The following TUBGCP2 variants were observed in gnomAD, a reference collection of about 807,000 sequenced individuals.
TUBGCP2 encodes the protein tubulin gamma complex component 2.
TUBGCP2 carries 55 observed loss-of-function variants against 92.2 expected under a neutral mutation model. That is an observed-to-expected ratio of 0.60 (90% CI 0.48 to 0.75). The LOEUF (loss-of-function observed/expected upper bound fraction) is 0.75, where lower values mean the gene tolerates loss of function less well. Among genes scored for constraint, TUBGCP2 ranks in the 30% least tolerant of loss-of-function variants. The pLI is 0.00. For missense variants in TUBGCP2, 1,093 were observed against 1,188.9 expected (o/e 0.92, Z 1.19); for synonymous variants, 533 against 505.2 (o/e 1.06, Z -0.74).
chr10:133,309,733 C>T (rs1847943862), upstream of TUBGCP2: 1 of 1,608,100 alleles, frequency 6.2e-7, no homozygotes, highest in Non-Finnish European at 8.5e-7. Flanking sequence ...AGCTTGGTTC[C>T]TCGCACCGGA....
intron 4 of TUBGCP2, 93 bp from the exon 5 acceptor site, chr10:133,298,204 A>G: frequency 7.4e-7 from 1 of 1,357,116 alleles, no homozygotes. Context: ...CATCTACGGC[A>G]AAGATGATTA....
chr10:133,308,976 C>T, upstream of TUBGCP2: 1 of 1,244,252 alleles, frequency 8.0e-7, no homozygotes, highest in Non-Finnish European at 1.0e-6. Context: ...GCGCCCGCCT[C>T]GCTGCGGGGC....
intron 8 of TUBGCP2, among the ~76,000 whole-genome samples, chr10:133,292,044 T>G (rs1430469627): frequency 1.3e-4 from 1 of 7,506 alleles, no homozygotes; most frequent in Admixed American, 1.5e-3. Context: ...TCCGTGTCCC[T>G]CCGTGTCCCC....
chr10:133,294,258 C>T (rs551404825), intron 5 of TUBGCP2, among the ~76,000 whole-genome samples: 6 of 152,374 alleles, frequency 3.9e-5, no homozygotes, highest in African/African-American at 1.2e-4. Context: ...AGGACGGCCA[C>T]GGGCCGCCAC....
intron 17 of TUBGCP2, 55 bp downstream of exon 17, chr10:133,281,218 G>C: frequency 8.2e-6 from 13 of 1,587,612 alleles, no homozygotes; most frequent in East Asian, 2.2e-5. Flanking sequence ...TGCTGGGCAG[G>C]GGCAGGCGCT....
chr10:133,288,927 A>G lies in TUBGCP2; in HGVS notation c.1454T>C (p.Val485Ala). The change falls in exon 10 of 18, where the codon GTG (valine) becomes GCG (alanine). Residue 485 changes from valine to alanine, a missense_variant. This residue lies in a region of TUBGCP2 where 598 missense variants were observed against 675.5 expected (regional missense o/e 0.89). Transcript: ENST00000252936. ...GTTAAACGCCTTCTCGATCTGCTCCACATACGCCCGCTCTTTTAACGTGTA... is the reference window on the plus strand; with the variant it reads ...GTTAAACGCCTTCTCGATCTGCTCCGCATACGCCCGCTCTTTTAACGTGTA... ...IIYTLKERAYVEQIEKAFNYA... is the reference protein window; with the variant it reads ...IIYTLKERAYAEQIEKAFNYA... 1 of 1,614,230 alleles carries G rather than the reference A, an allele frequency of 6.2e-7. No homozygotes were observed. Among genetic ancestry groups the G allele is most frequent in the East Asian group, 2.2e-5 (1 of 44,890 alleles).
Position 133,284,723 on chromosome 10 carries a change from G to A in TUBGCP2, c.2024+362C>T, listed in dbSNP as rs146265651. Among the ~76,000 whole-genome samples the A allele has an allele frequency of 1.3e-4, 20 of 152,102 alleles. No individual in the cohort carries two copies. The East Asian group carries it at 1.9e-3, about 15-fold the overall frequency. ...TTTCAACACCCTAGAGGCACAGACC[G>A]GCTGCAAAGCACCTCTGGTCCCAGC... On this transcript the variant is annotated intron_variant, in intron 13 of 17. Transcript: ENST00000252936.
intron 9 of TUBGCP2, among the ~76,000 whole-genome samples, chr10:133,289,545 T>C (rs527391656): frequency 6.6e-6 from 1 of 151,996 alleles, no homozygotes; most frequent in Non-Finnish European, 1.5e-5. Context: ...GAAACAGAAA[T>C]AGAGAAGGCA....
chr10:133,311,380 G>A (rs2136154332), upstream of TUBGCP2, among the ~76,000 whole-genome samples: 1 of 152,308 alleles, frequency 6.6e-6, no homozygotes, highest in South Asian at 2.1e-4. Flanking sequence ...GAAGAGACTA[G>A]TTTATAGTCT....
intron 11 of TUBGCP2, 32 bp downstream of exon 11, chr10:133,288,097 C>T: frequency 6.3e-7 from 1 of 1,595,282 alleles, no homozygotes; most frequent in South Asian, 1.1e-5. Flanking sequence ...AGGCCTCTGC[C>T]ACAGGGGACA....
rs1846914592 is a variant in TUBGCP2 at position 133,279,667 on chromosome 10, T to G, written c.*99A>C. ...AATCATTCCTGCTTTATATTTAAAC[T>G]GCAAAGACAGAACACAGAGCATTCG... is the stretch of plus-strand genomic sequence containing the variant. On this transcript the variant is annotated 3_prime_UTR_variant, in exon 18 of 18. Coordinates refer to ENST00000252936, the MANE Select transcript of TUBGCP2 (RefSeq NM_006659.4). 15 of 1,417,832 alleles carry G rather than the reference T, an allele frequency of 1.1e-5. 1 individual carries two copies. In the South Asian group the frequency reaches 2.3e-4, roughly 22 times the overall value. 87.8% of individuals were successfully genotyped at this position (1,417,832 alleles called of 1,614,324 possible).
At chr10:133,280,802 TGGGCTGAGCTGAGGAA>T (rs1197526769) in intron 17 of TUBGCP2, among the ~76,000 whole-genome samples, 8 of 149,902 alleles carry the variant, frequency 5.3e-5, no homozygotes, top group South Asian at 2.1e-4. Context: ...GGGCAGATGC[TGGGCTGAGCTGAGGAA>T]GGGCTGAGCC....
upstream of TUBGCP2, chr10:133,308,940 G>C (rs907133614): frequency 8.1e-7 from 1 of 1,227,404 alleles, no homozygotes; most frequent in Non-Finnish European, 1.0e-6. Context: ...CCGCGCCCGG[G>C]GTGATGCAGT....
At position 133,283,974 on chromosome 10, in the gene TUBGCP2, G is replaced by T; in HGVS notation, c.2053C>A (p.Arg685=). The change falls in exon 14 of 18, where the codon CGA becomes AGA. Residue 685 remains arginine (R), a synonymous_variant. Transcript: ENST00000252936. ...ATATTCTGGACGAAGTTGAGCATTC[G>T]CTGCCGCAGAGTGAAAGCCCCAGCA... The part of the protein sequence containing the change: ...WFAGAFTLRQ[R]MLNFVQNIQY... 8 of 1,614,014 alleles carry T rather than the reference G, an allele frequency of 5.0e-6. No individual in the cohort carries two copies. Among genetic ancestry groups the T allele is most frequent in the Non-Finnish European group, 6.8e-6 (8 of 1,179,978 alleles).
intron 1 of TUBGCP2, among the ~76,000 whole-genome samples, chr10:133,305,307 G>A (rs921633743): frequency 6.6e-5 from 10 of 152,264 alleles, no homozygotes; most frequent in African/African-American, 1.7e-4. Flanking sequence ...TCTCCGCCTC[G>A]GCTACGTAAC....
Position 133,283,118 on chromosome 10 carries a change from T to C in TUBGCP2, c.2249A>G (p.Lys750Arg). 6.2e-7 allele frequency: 1 copy of C among 1,614,200 alleles called. No individual in the cohort carries two copies. Among genetic ancestry groups the C allele is most frequent in the African/African-American group, 1.3e-5 (1 of 75,040 alleles). ...GAACATGACGCACACAGACATGAGC[T>C]TGGAGAAGACCTTCAGCAGCTCGGG... ...TNPELLKVFS[K>R]LMSVCVMFTN... The change falls in exon 15 of 18, where the codon AAG becomes AGG. Residue 750 changes from lysine to arginine, a missense_variant. Physicochemically the swap from Lys to Arg is conservative, Grantham distance 26. This residue lies in a region of TUBGCP2 where 598 missense variants were observed against 675.5 expected (regional missense o/e 0.89). Coordinates refer to ENST00000252936, the MANE Select transcript of TUBGCP2 (RefSeq NM_006659.4).
rs1460994654 is a variant in TUBGCP2, at chr10:133,291,845, C to T, written c.1214+654G>A. Among the ~76,000 whole-genome samples, 33 of 22,562 alleles carry T rather than the reference C, an allele frequency of 1.5e-3. 2 individuals carry two copies. The South Asian group carries it at 0.015, about 10-fold the overall frequency. 14.8% of individuals were successfully genotyped at this position (22,562 alleles called of 152,430 possible). A position where few individuals can be genotyped will look rare whatever the true frequency, so the allele number is the denominator to read the frequency against. ...TCCCTCCGTGTCCCCCATGTCCCTC[C>T]GTGTCCCTGTGTCCCGGGGAGCCCT... On this transcript the variant is annotated intron_variant, in intron 8 of 17. Coordinates refer to ENST00000252936, the MANE Select transcript of TUBGCP2 (RefSeq NM_006659.4).
intron 1 of TUBGCP2, among the ~76,000 whole-genome samples, chr10:133,305,602 G>C (rs1847795366): frequency 6.6e-6 from 1 of 152,074 alleles, no homozygotes; most frequent in Admixed American, 6.5e-5. Context: ...CCCTACAATA[G>C]AGTACAGAAG....
chr10:133,307,653 G>A (rs1267407236), intron 1 of TUBGCP2, among the ~76,000 whole-genome samples: 1 of 152,238 alleles, frequency 6.6e-6, no homozygotes, highest in Non-Finnish European at 1.5e-5. Context: ...GCTGAGGCAC[G>A]AGAATCGCTT....
Sources: allele counts gnomAD v4.1 joint callset (sites outside exome capture counted in the v4.1 genomes callset), GRCh38; gene constraint gnomAD v4.1.1; regional missense constraint gnomAD v4.1.1; transcripts MANE v1.5; gene names NCBI Gene and HGNC (gene_info 2026-07-23, HGNC 2026-07-21).